CFHR5: variants seen among roughly 807,000 people sequenced by gnomAD.
CFHR5 encodes the protein complement factor H related 5, also known as complement factor H-related protein 5.
CFHR5 carries 73 observed loss-of-function variants against 62.9 expected under a neutral mutation model. That is an observed-to-expected ratio of 1.16 (90% CI 0.96 to 1.41). CFHR5 has a LOEUF of 1.41. Ranked by LOEUF, CFHR5 falls within the 40% of genes most tolerant of loss-of-function variation. The pLI is 0.00. For missense variants in CFHR5, 779 were observed against 679.9 expected (o/e 1.15, Z -1.62); for synonymous variants, 249 against 227.2 (o/e 1.10, Z -0.86).
intron 8 of CFHR5, among the ~76,000 whole-genome samples, chr1:197,003,759 G>C (rs1024162460): frequency 6.6e-6 from 1 of 152,134 alleles, no homozygotes; most frequent in African/African-American, 2.4e-5. Flanking sequence ...AAAGGGAATA[G>C]AGAAATGAGG....
At chr1:196,997,072 C>T (rs1252708731) in intron 6 of CFHR5, among the ~76,000 whole-genome samples, 1 of 152,026 alleles carries the variant, frequency 6.6e-6, no homozygotes, top group African/African-American at 2.4e-5. Flanking sequence ...TAAAGACAAG[C>T]AGACTTTCCG....
At chr1:197,003,024 G>T (rs1282324654) in intron 8 of CFHR5, among the ~76,000 whole-genome samples, 2 of 152,142 alleles carry the variant, frequency 1.3e-5, no homozygotes, top group Non-Finnish European at 2.9e-5. Context: ...GCCTAGGACA[G>T]CAATACCCAA....
Position 197,002,531 on chromosome 1 carries a change from G to T in CFHR5, c.1197G>T (p.Gln399His), listed in dbSNP as rs1377275404. The part of the protein sequence containing the change: ...CPPPPQIPNA[Q>H]NMTTTVNYQD... ...CGCCACCTCAGATACCTAATGCTCA[G>T]AATATGACAACCACAGTGAATTATC... The change falls in exon 8 of 10, where the codon CAG becomes CAT. Residue 399 changes from glutamine to histidine, a missense_variant. Coordinates refer to ENST00000256785, the MANE Select transcript of CFHR5 (RefSeq NM_030787.4). 6.2e-7 allele frequency: 1 copy of T among 1,613,662 alleles called. No individual in the cohort carries two copies. The highest frequency in any genetic ancestry group is 8.5e-7 in the Non-Finnish European group (1 of 1,179,780).
At chr1:196,988,172 T>C (rs1653746697) in intron 3 of CFHR5, among the ~76,000 whole-genome samples, 1 of 152,154 alleles carries the variant, frequency 6.6e-6, no homozygotes, top group Non-Finnish European at 1.5e-5. Flanking sequence ...TCTCTGTCTG[T>C]CTGTTATTGG....
At chr1:196,982,497 C>G (rs1426894764) in intron 1 of CFHR5, among the ~76,000 whole-genome samples, 1 of 152,082 alleles carries the variant, frequency 6.6e-6, no homozygotes, top group Non-Finnish European at 1.5e-5. Flanking sequence ...TATGGTGAAA[C>G]CTTGTCTCTA....
intron 7 of CFHR5, among the ~76,000 whole-genome samples, chr1:197,000,425 A>C (rs964975472): frequency 6.6e-5 from 10 of 152,150 alleles, no homozygotes. Flanking sequence ...TCTTTACTAG[A>C]CAGAAATTTC....
chr1:197,002,583 T>C lies in CFHR5; in HGVS notation c.1249T>C (p.Cys417Arg). ...YQDGEKVAVL[C>R]KENYLLPEAK... is the part of the protein sequence containing the mutation. ...GGATGGAGAAAAAGTAGCTGTTCTC[T>C]GTAAAGAAAACTATCTACTTCCAGA... is the stretch of plus-strand genomic sequence containing the variant. The change falls in exon 8 of 10, where the codon TGT becomes CGT. Residue 417 changes from cysteine to arginine, a missense_variant. By Grantham distance (180) the Cys-to-Arg change is radical. Coordinates refer to ENST00000256785, the MANE Select transcript of CFHR5 (RefSeq NM_030787.4). 1.9e-6 allele frequency: 3 copies of C among 1,613,188 alleles called. No individual in the cohort carries two copies. Among genetic ancestry groups the C allele is most frequent in the South Asian group, 1.1e-5 (1 of 91,056 alleles).
Position 197,004,680 on chromosome 1 carries a change from G to A in CFHR5, c.1350G>A (p.Gly450=), listed in dbSNP as rs77159278. 997 of 1,613,018 alleles carry A rather than the reference G, an allele frequency of 6.2e-4. 27 individuals are homozygous for A. In the East Asian group the frequency reaches 0.022, roughly 35 times the overall value. The change falls in exon 9 of 10, where the codon GGG becomes GGA. Residue 450 remains glycine, a synonymous_variant. Coordinates refer to ENST00000256785, the MANE Select transcript of CFHR5 (RefSeq NM_030787.4). The stretch of plus-strand genomic sequence containing the variant: ...TTCCAGAGTCTACTGCATATTGTGG[G>A]CCCCCTCCATCTATTAACAATGGAG... ...PRCVESTAYC[G]PPPSINNGDT...
At chr1:196,975,265 A>G (rs1454466754), upstream of CFHR5, among the ~76,000 whole-genome samples, 1 of 152,170 alleles carries the variant, frequency 6.6e-6, no homozygotes, top group Non-Finnish European at 1.5e-5. Context: ...TAAAGTAGAG[A>G]TTGTAGATAA....
chr1:196,994,999 C>A (rs1440614220), intron 4 of CFHR5, among the ~76,000 whole-genome samples: 1 of 152,090 alleles, frequency 6.6e-6, no homozygotes, highest in Non-Finnish European at 1.5e-5. Flanking sequence ...GTTCTTCCCA[C>A]AACACATAGG....
upstream of CFHR5, among the ~76,000 whole-genome samples, chr1:196,977,306 A>C (rs62952061): frequency 6.2e-5 from 9 of 144,088 alleles, no homozygotes; most frequent in Admixed American, 3.5e-4. Flanking sequence ...AAAAAAAAAA[A>C]CCCAGGGGGC....
At chr1:197,004,602 C>A in intron 8 of CFHR5, 59 bp from the exon 9 acceptor site, 1 of 1,280,568 alleles carries the variant, frequency 7.8e-7, no homozygotes, top group Non-Finnish European at 1.1e-6. Flanking sequence ...CATGATGCTT[C>A]ATTATATTAT....
intron 3 of CFHR5, among the ~76,000 whole-genome samples, chr1:196,991,943 T>A (rs9427664): frequency 0.41 from 62,473 of 152,104 alleles, 14,804 homozygotes; most frequent in African/African-American, 0.66. Flanking sequence ...GGGACATTTA[T>A]GTCTACAGAA....
chr1:196,999,770 CAT>C (rs1216685374), intron 7 of CFHR5, among the ~76,000 whole-genome samples: 22 of 140,588 alleles, frequency 1.6e-4, no homozygotes, highest in East Asian at 8.9e-4. Context: ...TACACACACA[CAT>C]ATATGTATAT....
intron 8 of CFHR5, among the ~76,000 whole-genome samples, chr1:197,003,505 C>T (rs1003029832): frequency 6.6e-6 from 1 of 152,144 alleles, no homozygotes; most frequent in African/African-American, 2.4e-5. Flanking sequence ...TTAAGTGCTA[C>T]ATGGCTGCAT....
At chr1:197,005,417 A>G (rs1041545012) in intron 9 of CFHR5, among the ~76,000 whole-genome samples, 2 of 152,138 alleles carry the variant, frequency 1.3e-5, no homozygotes, top group South Asian at 4.1e-4. Context: ...AATAATGCCA[A>G]TATACATATT....
rs1184356016 is a variant in CFHR5 at position 196,984,114 on chromosome 1, C to T, written c.407C>T (p.Thr136Ile). 2 of 1,612,648 alleles carry T rather than the reference C, an allele frequency of 1.2e-6. No individual in the cohort carries two copies. Among genetic ancestry groups the T allele is most frequent in the African/African-American group, 1.3e-5 (1 of 74,748 alleles). Reference sequence around the variant, plus strand: ...TCGTGTGTAGAACGGGGCTGGTCCACTCCTCCCATATGCAGCTTCACTAGT... The same window carrying T: ...TCGTGTGTAGAACGGGGCTGGTCCATTCCTCCCATATGCAGCTTCACTAGT... ...NISCVERGWS[T>I]PPICSFTKGE... Residue 136 changes from threonine (T) to isoleucine (I), a missense_variant, in exon 3 of 10, where the codon ACT becomes ATT. By Grantham distance (89) the Thr-to-Ile change is moderately conservative. Transcript: ENST00000256785.
intron 9 of CFHR5, among the ~76,000 whole-genome samples, chr1:197,005,100 A>G (rs973719966): frequency 1.3e-5 from 2 of 152,176 alleles, no homozygotes; most frequent in African/African-American, 4.8e-5. Context: ...GTCCAGAGCT[A>G]TTTATGGGGC....
At chr1:197,008,354 T>G (rs1240858646) in intron 9 of CFHR5, 133 bp from the exon 10 acceptor site, 5 of 396,236 alleles carry the variant, frequency 1.3e-5, no homozygotes, top group Non-Finnish European at 2.0e-5. Flanking sequence ...TCAATAAATA[T>G]TATTTTTTAA....
Sources: allele counts gnomAD v4.1 joint callset (sites outside exome capture counted in the v4.1 genomes callset), GRCh38; gene constraint gnomAD v4.1.1; transcripts MANE v1.5; gene names NCBI Gene and HGNC (gene_info 2026-07-23, HGNC 2026-07-21).